MICAL2: variants seen among roughly 807,000 people sequenced by gnomAD.
The protein encoded by MICAL2 is microtubule associated monooxygenase, calponin and LIM domain containing 2.
Under a neutral mutation model 127.3 loss-of-function variants are expected in MICAL2, and 77 were observed. The observed-to-expected ratio is 0.60, with a 90% confidence interval of 0.50 to 0.73. The LOEUF is 0.73. Among genes scored for constraint, MICAL2 ranks in the 30% least tolerant of loss-of-function variants. MICAL2 has a pLI of 0.00. For missense variants in MICAL2, 1,351 were observed against 1,434.4 expected (o/e 0.94, Z 0.94); for synonymous variants, 570 against 551.1 (o/e 1.03, Z -0.48).
chr11:12,358,177 G>C, intron 34 of MICAL2: 4 of 1,012,480 alleles, frequency 4.0e-6, no homozygotes, highest in Non-Finnish European at 5.7e-6. Flanking sequence ...TCATTTCCTT[G>C]TTTTCTCCAT....
chr11:12,220,415 C>A lies in MICAL2; in HGVS notation c.1163C>A (p.Ala388Glu), dbSNP rs78682404. ...ENAALVRERQ[A>E]HQLLVALVGD... ...GCGGCCCTGGTGCGGGAGCGGCAGG[C>A]GCACCAGCTGCTCGTGGCCCTTGTG... Residue 388 changes from alanine to glutamate, a missense_variant, in exon 9 of 28, where the codon GCG becomes GAG. Transcript: ENST00000683283. 1.2e-6 allele frequency: 2 copies of A among 1,611,592 alleles called. No individual in the cohort carries two copies. Among genetic ancestry groups the A allele is most frequent in the African/African-American group, 1.3e-5 (1 of 74,930 alleles).
intron 29 of MICAL2, among the ~76,000 whole-genome samples, chr11:12,318,985 T>C (rs1864261529): frequency 6.6e-6 from 1 of 152,220 alleles, no homozygotes; most frequent in South Asian, 2.1e-4. Flanking sequence ...CTGCCTTTCC[T>C]GGCATTTGAA....
Position 12,131,011 on chromosome 11 carries a change from G to GAATTGCCCCAA in MICAL2, c.-148-7379_-148-7378insAATTGCCCCAA, listed in dbSNP as rs1305134230. 1.3e-3 allele frequency among the ~76,000 whole-genome samples: 135 copies of GAATTGCCCCAA among 107,836 alleles called. 2 individuals are homozygous for GAATTGCCCCAA. The highest frequency in any genetic ancestry group is 4.6e-3 in the Middle Eastern group (1 of 218). The allele number at this position is 107,836 out of a possible 152,430, so 70.7% of individuals were successfully genotyped here. On this transcript the variant is annotated intron_variant, in intron 1 of 27. Transcript: ENST00000683283. Reference sequence around the variant, plus strand: ...GTTGCAGGTGAGAAAGATCCCAGTAGGGCCGGGCGCGGTGGCTCACGCCTG... The same window carrying GAATTGCCCCAA: ...GTTGCAGGTGAGAAAGATCCCAGTAGAATTGCCCCAAGGCCGGGCGCGGTGGCTCACGCCTG...
chr11:12,293,491 AT>A, downstream of MICAL2: 1 of 1,500,824 alleles, frequency 6.7e-7, no homozygotes, highest in Non-Finnish European at 8.9e-7. Flanking sequence ...GTAGATTGAG[AT>A]TTGCTTTCAT....
chr11:12,292,206 T>A (rs774468064), downstream of MICAL2: 18 of 1,614,086 alleles, frequency 1.1e-5, no homozygotes, highest in Middle Eastern at 1.6e-4. Context: ...TCTCTTCCTC[T>A]TCCTTCATCG....
chr11:12,319,757 C>T (rs371688841), exon 30 of MICAL2: 3 of 1,613,480 alleles, frequency 1.9e-6, no homozygotes, highest in African/African-American at 2.7e-5. Context: ...CCTCTTCAAC[C>T]TCCTCCTCCT....
intron 20 of MICAL2, among the ~76,000 whole-genome samples, chr11:12,243,595 A>G (rs1454054354): frequency 6.6e-6 from 1 of 152,186 alleles, no homozygotes; most frequent in East Asian, 1.9e-4. Context: ...TGCTGCAGCT[A>G]TAGAGGCCCC....
chr11:12,233,109 T>C (rs1018160850), intron 15 of MICAL2, among the ~76,000 whole-genome samples: 2 of 152,342 alleles, frequency 1.3e-5, no homozygotes, highest in Admixed American at 6.5e-5. Flanking sequence ...CTGGGGGCCT[T>C]GGAATGTATC....
At chr11:12,288,382 G>T (rs893748853), downstream of MICAL2, among the ~76,000 whole-genome samples, 2 of 152,166 alleles carry the variant, frequency 1.3e-5, no homozygotes, top group Non-Finnish European at 2.9e-5. Flanking sequence ...CAGTGTGGGG[G>T]ATCAGTCCCT....
intron 7 of MICAL2, among the ~76,000 whole-genome samples, chr11:12,214,589 T>C (rs1273877991): frequency 2.0e-5 from 3 of 152,274 alleles, no homozygotes; most frequent in African/African-American, 7.2e-5. Flanking sequence ...CACATGGTTC[T>C]ATACTGCCTT....
chr11:12,261,297 C>T, intron 26 of MICAL2: 6 of 985,518 alleles, frequency 6.1e-6, no homozygotes, highest in Non-Finnish European at 7.2e-6. Context: ...TGGGTCTGAC[C>T]TCCAGGGGAA....
At chr11:12,199,746 C>T (rs1860436700) in intron 3 of MICAL2, among the ~76,000 whole-genome samples, 1 of 152,202 alleles carries the variant, frequency 6.6e-6, no homozygotes, top group Non-Finnish European at 1.5e-5. Flanking sequence ...TCCCCCCATC[C>T]TGACCCTTGA....
At chr11:12,301,933 A>G (rs139386038) in intron 29 of MICAL2, among the ~76,000 whole-genome samples, 154 of 152,268 alleles carry the variant, frequency 1.0e-3, no homozygotes, top group African/African-American at 3.6e-3. Flanking sequence ...CAGAGAAAGG[A>G]TTCATGTTGT....
intron 29 of MICAL2, among the ~76,000 whole-genome samples, chr11:12,317,724 G>A (rs1244936561): frequency 2.0e-5 from 3 of 151,966 alleles, no homozygotes; most frequent in Middle Eastern, 3.2e-3. Flanking sequence ...CCCGGGAGGC[G>A]GAGGTTGCGG....
Position 12,348,377 on chromosome 11 carries a change from T to C in MICAL2, c.5516-1461T>C, listed in dbSNP as rs149820769. 1.9e-3 allele frequency among the ~76,000 whole-genome samples: 293 copies of C among 152,240 alleles called. 9 individuals carry two copies. The East Asian group carries it at 0.046, about 24-fold the overall frequency. ...TATTTTTGATCCACAGTGGGTTGAA[T>C]CCACAGTTGAGGAACCCACAGATTT... On this transcript the variant is annotated intron_variant, in intron 32 of 34. Coordinates refer to the MICAL2 transcript ENST00000646065.
intron 34 of MICAL2, among the ~76,000 whole-genome samples, chr11:12,357,305 G>C (rs1939143422): frequency 6.6e-6 from 1 of 152,180 alleles, no homozygotes; most frequent in African/African-American, 2.4e-5. Context: ...TCAGAATCCT[G>C]TTTTCTGTGT....
chr11:12,165,206 T>C (rs948761924), intron 3 of MICAL2, among the ~76,000 whole-genome samples: 35 of 151,372 alleles, frequency 2.3e-4, no homozygotes, highest in African/African-American at 8.3e-4. Flanking sequence ...ATGGGTGTCA[T>C]CTACAGTGAG....
At chr11:12,302,811 A>T (rs1864062440) in intron 29 of MICAL2, among the ~76,000 whole-genome samples, 1 of 152,236 alleles carries the variant, frequency 6.6e-6, no homozygotes, top group Non-Finnish European at 1.5e-5. Flanking sequence ...TTACAGGAAG[A>T]TGCCACTGCA....
rs539123960 is a variant in MICAL2, at chr11:12,241,304, T to C, written c.2337+142T>C. The C allele has an allele frequency of 4.4e-5, 46 of 1,049,608 alleles. No individual in the cohort carries two copies. The African/African-American group carries it at 6.1e-4, about 14-fold the overall frequency. The allele number at this position is 1,049,608 out of a possible 1,614,324, so 65.0% of individuals were successfully genotyped here. A position where few individuals can be genotyped will look rare whatever the true frequency, so the allele number is the denominator to read the frequency against. ...ACACACCTTGATGTCACCACACTTA[T>C]AGGTAAGAATAACCAAGTATGCAAC... is the stretch of plus-strand genomic sequence containing the variant. On this transcript the variant is annotated intron_variant, in intron 18 of 27. Coordinates refer to ENST00000683283, the MANE Select transcript of MICAL2 (RefSeq NM_001282663.2).
Sources: gnomAD v4.1 joint callset for allele counts (sites outside exome capture counted in the v4.1 genomes callset) on GRCh38, gnomAD v4.1.1 for gene constraint, MANE v1.5 for transcripts, NCBI Gene and HGNC (gene_info 2026-07-23, HGNC 2026-07-21) for gene names.